CADPS2: variants seen among roughly 807,000 people sequenced by gnomAD.
CADPS2 encodes calcium-dependent secretion activator 2.
In CADPS2, 93 loss-of-function variants were observed where a neutral mutation model predicts 172.5. The ratio of observed to expected loss-of-function variants is 0.54; its 90% CI spans 0.46 to 0.64. The LOEUF is 0.64. Ranked by LOEUF, CADPS2 falls within the 30% of genes least tolerant of loss-of-function variation. The pLI, the probability that CADPS2 is intolerant of heterozygous loss-of-function variation, is 0.00. For missense variants in CADPS2, 1,420 were observed against 1,565.9 expected (o/e 0.91, Z 1.57); for synonymous variants, 546 against 555.2 (o/e 0.98, Z 0.23).
At chr7:122,769,018 C>T (rs2093634809) in intron 1 of CADPS2, among the ~76,000 whole-genome samples, 1 of 151,578 alleles carries the variant, frequency 6.6e-6, no homozygotes, top group South Asian at 2.1e-4. Flanking sequence ...CACAACAAGG[C>T]TGCCATTCAA....
chr7:122,479,945 A>G (rs112042201), intron 12 of CADPS2, among the ~76,000 whole-genome samples: 5,756 of 152,266 alleles, frequency 0.038, 156 homozygotes, highest in African/African-American at 0.061. Context: ...AAATGCTACT[A>G]TTCATATTGT....
chr7:122,702,054 T>A, intron 2 of CADPS2: 6 of 1,613,658 alleles, frequency 3.7e-6, no homozygotes, highest in Non-Finnish European at 5.1e-6. Context: ...ATAGCTTTCT[T>A]CACATCTGTC....
At chr7:122,616,564 A>C (rs2074950106) in intron 5 of CADPS2, among the ~76,000 whole-genome samples, 1 of 152,160 alleles carries the variant, frequency 6.6e-6, no homozygotes. Context: ...TCAAACTCAG[A>C]ACAAGTTTTC....
At chr7:122,727,169 G>A (rs948160258) in intron 2 of CADPS2, among the ~76,000 whole-genome samples, 4 of 151,924 alleles carry the variant, frequency 2.6e-5, no homozygotes, top group Non-Finnish European at 5.9e-5. Flanking sequence ...AAATAGGTAT[G>A]AGCGTAAATT....
chr7:122,748,672 G>C (rs564633417), intron 1 of CADPS2, among the ~76,000 whole-genome samples: 16 of 152,164 alleles, frequency 1.1e-4, no homozygotes, highest in Non-Finnish European at 1.8e-4. Flanking sequence ...ATGAGAAGTG[G>C]CTATCTGCAA....
In CADPS2 at chr7:122,477,082, G is replaced by GA. The variant is rs1491397854; in HGVS notation, c.1862-2566_1862-2565insT. Among the ~76,000 whole-genome samples, 413 of 148,304 alleles carry GA rather than the reference G, an allele frequency of 2.8e-3. 3 individuals carry two copies. Among genetic ancestry groups the GA allele is most frequent in the Middle Eastern group, 7.0e-3 (2 of 286 alleles). ...AGAGAGAGAGAGAGAGAGAGAGAGA[G>GA]GGAGAGAGAGAGGTAGGTAGATAGG... On this transcript the variant is annotated intron_variant, in intron 12 of 29. Coordinates refer to ENST00000449022, the MANE Select transcript of CADPS2 (RefSeq NM_017954.11).
intron 23 of CADPS2, among the ~76,000 whole-genome samples, chr7:122,387,775 C>T (rs766766742): frequency 1.4e-4 from 21 of 152,086 alleles, no homozygotes; most frequent in Non-Finnish European, 2.6e-4. Flanking sequence ...TCCACAGAAT[C>T]GAGACATCAA....
chr7:122,750,748 TA>T (rs1180975500), intron 1 of CADPS2, among the ~76,000 whole-genome samples: 2 of 152,126 alleles, frequency 1.3e-5, no homozygotes, highest in Admixed American at 6.6e-5. Context: ...GAGCTTTTTT[TA>T]AAAAATGCAG....
At chr7:122,596,560 G>C (rs1347776003) in intron 6 of CADPS2, among the ~76,000 whole-genome samples, 1 of 152,078 alleles carries the variant, frequency 6.6e-6, no homozygotes, top group Admixed American at 6.5e-5. Context: ...TACTATAGCA[G>C]TGAGAAAAGC....
chr7:122,715,732 C>T (rs915447354), intron 2 of CADPS2, among the ~76,000 whole-genome samples: 2 of 151,292 alleles, frequency 1.3e-5, no homozygotes, highest in African/African-American at 4.9e-5. Flanking sequence ...GCCAATTGTA[C>T]AAGTACAAAA....
chr7:122,491,383 T>C lies in CADPS2; in HGVS notation c.1580A>G (p.Glu527Gly), dbSNP rs1411121040. Residue 527 changes from glutamate to glycine, a missense_variant, in exon 10 of 30, where the codon GAA becomes GGA. Glu to Gly is a moderately conservative substitution (Grantham distance 98). Coordinates refer to ENST00000449022, the MANE Select transcript of CADPS2 (RefSeq NM_017954.11). Reference protein sequence around the residue: ...QYTFAMCSYREKKSEPQELMQ... With the variant: ...QYTFAMCSYRGKKSEPQELMQ... Reference sequence around the variant, plus strand: ...TAATTCTTGTGGTTCAGACTTCTTTTCTCTATAACTGCACATAGCAAAGGT... The same window carrying C: ...TAATTCTTGTGGTTCAGACTTCTTTCCTCTATAACTGCACATAGCAAAGGT... The C allele has an allele frequency of 6.2e-7, 1 of 1,611,498 alleles. No individual in the cohort carries two copies. Among genetic ancestry groups the C allele is most frequent in the South Asian group, 1.1e-5 (1 of 90,638 alleles).
chr7:122,713,098 A>G (rs2136784538), intron 2 of CADPS2, among the ~76,000 whole-genome samples: 1 of 152,128 alleles, frequency 6.6e-6, no homozygotes, highest in East Asian at 1.9e-4. Context: ...ATTTCATACA[A>G]TGAAAAACAA....
intron 2 of CADPS2, among the ~76,000 whole-genome samples, chr7:122,720,978 ACTTAAT>A (rs1481555638): frequency 1.3e-4 from 20 of 152,092 alleles, no homozygotes; most frequent in African/African-American, 4.1e-4. Flanking sequence ...ATGTTAACAT[ACTTAAT>A]CTTAATTTTC....
intron 6 of CADPS2, among the ~76,000 whole-genome samples, chr7:122,599,833 T>C (rs551081892): frequency 1.6e-4 from 25 of 152,188 alleles, no homozygotes; most frequent in Non-Finnish European, 3.2e-4. Flanking sequence ...TCTGTGTTAC[T>C]TTAACATTTA....
rs566906719 is a variant in CADPS2 at position 122,594,355 on chromosome 7, T to G, written c.1224-13065A>C. Reference sequence around the variant, plus strand: ...AGGCAGAAAAATATTGGGAAATGGGTTGGGGTGGGTAATGACTTTCATAAT... The same window carrying G: ...AGGCAGAAAAATATTGGGAAATGGGGTGGGGTGGGTAATGACTTTCATAAT... On this transcript the variant is annotated intron_variant, in intron 6 of 29. Coordinates refer to ENST00000449022, the MANE Select transcript of CADPS2 (RefSeq NM_017954.11). Among the ~76,000 whole-genome samples, 730 of 151,606 alleles carry G rather than the reference T, an allele frequency of 4.8e-3. 2 individuals carry two copies. The highest frequency in any genetic ancestry group is 8.0e-3 in the Non-Finnish European group (543 of 67,886).
rs574944351 is a variant in CADPS2 at position 122,320,460 on chromosome 7, C to T, written c.3718-122G>A. The T allele has an allele frequency of 1.6e-5, 10 of 624,118 alleles. No homozygotes were observed. In the African/African-American group the frequency reaches 1.9e-4, roughly 12 times the overall value. 38.7% of individuals were successfully genotyped at this position (624,118 alleles called of 1,614,324 possible). A position where few individuals can be genotyped will look rare whatever the true frequency, so the allele number is the denominator to read the frequency against. On this transcript the variant is annotated intron_variant, in intron 29 of 29. Coordinates refer to ENST00000449022, the MANE Select transcript of CADPS2 (RefSeq NM_017954.11). ...TCCACTGATAGGTTCATGTGGCTGTCCATGCCAATCATCTTCTTGGTGTAT... is the reference window on the plus strand; with the variant it reads ...TCCACTGATAGGTTCATGTGGCTGTTCATGCCAATCATCTTCTTGGTGTAT...
chr7:122,698,638 C>A (rs759225467), intron 2 of CADPS2: 23 of 1,613,846 alleles, frequency 1.4e-5, no homozygotes, highest in East Asian at 2.2e-5. Context: ...GTACTTTGAT[C>A]GGCTGAAAAT....
intron 8 of CADPS2, among the ~76,000 whole-genome samples, chr7:122,533,489 A>G (rs73433732): frequency 0.028 from 4,269 of 152,224 alleles, 75 homozygotes; most frequent in South Asian, 0.054. Flanking sequence ...ACAAACTCAC[A>G]CTGCTTAACG....
Position 122,663,516 on chromosome 7 carries a change from A to G in CADPS2, c.507T>C (p.Ser169=). Residue 169 remains serine, a synonymous_variant, in exon 3 of 30, where the codon TCT becomes TCC. Transcript: ENST00000449022. The part of the protein sequence containing the change: ...VARMVQSGGC[S]ANDFREVFKK... ...TAAATACTTCTCTGAAGTCATTAGC[A>G]GAACACCCTCCACTCTGTACCATTC... 6.2e-7 allele frequency: 1 copy of G among 1,607,900 alleles called. No individual in the cohort carries two copies. Among genetic ancestry groups the G allele is most frequent in the Non-Finnish European group, 8.5e-7 (1 of 1,176,512 alleles).
Sources: allele counts gnomAD v4.1 joint callset (sites outside exome capture counted in the v4.1 genomes callset), GRCh38; gene constraint gnomAD v4.1.1; transcripts MANE v1.5; gene names NCBI Gene and HGNC (gene_info 2026-07-23, HGNC 2026-07-21).